EDN1: variants seen among roughly 807,000 people sequenced by gnomAD.
EDN1 encodes the protein endothelin 1, also known as endothelin-1.
In EDN1, 11 loss-of-function variants were observed where a neutral mutation model predicts 21.7. The observed-to-expected ratio is 0.51, with a 90% CI of 0.32 to 0.84. The LOEUF (loss-of-function observed/expected upper bound fraction) is 0.84, where lower values mean the gene tolerates loss of function less well. Among genes scored for constraint, EDN1 ranks in the 40% least tolerant of loss-of-function variants. EDN1 has a pLI of 0.03. For missense variants in EDN1, 244 were observed against 262.3 expected, an observed-to-expected ratio of 0.93 and a Z score of 0.48; for synonymous variants, 85 against 90.6, an observed-to-expected ratio of 0.94 and a Z score of 0.35.
At chr6:12,243,973 T>C in the EDN1 span, among the ~76,000 whole-genome samples, 1 of 152,186 alleles carries the variant, frequency 6.6e-6, no homozygotes, top group African/African-American at 2.4e-5. Flanking sequence ...TTAGAGATGT[T>C]ATCTCACTGC....
At chr6:12,256,292 A>G in the EDN1 span, among the ~76,000 whole-genome samples, 1 of 152,186 alleles carries the variant, frequency 6.6e-6, no homozygotes, top group African/African-American at 2.4e-5. Flanking sequence ...GGCCGAGGCT[A>G]CAGTGAGCTA....
the EDN1 span, among the ~76,000 whole-genome samples, chr6:12,254,829 A>T: frequency 6.6e-6 from 1 of 152,200 alleles, no homozygotes; most frequent in Non-Finnish European, 1.5e-5. Flanking sequence ...GACAACAGAT[A>T]TCAAGGATAT....
the EDN1 span, among the ~76,000 whole-genome samples, chr6:12,273,160 G>A: frequency 1.3e-5 from 2 of 152,184 alleles, no homozygotes; most frequent in Admixed American, 1.3e-4. Flanking sequence ...AGGGAAAGGG[G>A]GTCAGAGGAG....
At chr6:12,260,140 A>G in the EDN1 span, among the ~76,000 whole-genome samples, 1 of 152,142 alleles carries the variant, frequency 6.6e-6, no homozygotes, top group Non-Finnish European at 1.5e-5. Flanking sequence ...AAACTCTTAA[A>G]AAACAATAAG....
the EDN1 span, among the ~76,000 whole-genome samples, chr6:12,259,973 C>T: frequency 6.6e-6 from 1 of 151,464 alleles, no homozygotes; most frequent in Non-Finnish European, 1.5e-5. Flanking sequence ...ATAATTAACC[C>T]TATAGAAATA....
At chr6:12,287,656 C>G (rs1157688843), upstream of EDN1, among the ~76,000 whole-genome samples, 1 of 151,450 alleles carries the variant, frequency 6.6e-6, no homozygotes, top group Admixed American at 6.6e-5. Context: ...AATTCTCTCT[C>G]TCTCTTCTCT....
chr6:12,256,408 A>G, the EDN1 span, among the ~76,000 whole-genome samples: 2 of 152,134 alleles, frequency 1.3e-5, no homozygotes, highest in Non-Finnish European at 2.9e-5. Context: ...AACCCAAAAA[A>G]GACCATTAGG....
the EDN1 span, among the ~76,000 whole-genome samples, chr6:12,262,691 G>A: frequency 6.6e-6 from 1 of 152,028 alleles, no homozygotes; most frequent in Non-Finnish European, 1.5e-5. Context: ...GACCAACATA[G>A]TGAAACCCTG....
At chr6:12,273,471 G>C in the EDN1 span, among the ~76,000 whole-genome samples, 9 of 152,018 alleles carry the variant, frequency 5.9e-5, no homozygotes, top group Admixed American at 5.9e-4. Flanking sequence ...AAATCATTTG[G>C]ATGATTTACA....
At position 12,294,042 on chromosome 6, in the gene EDN1, C is replaced by A; in HGVS notation, c.335C>A (p.Ala112Asp). Residue 112 changes from alanine (A) to aspartate (D), a missense_variant, in exon 3 of 5, where the codon GCT becomes GAT. By Grantham distance (126) the Ala-to-Asp change is moderately radical (BLOSUM62 -2). Transcript: ENST00000379375. The part of the protein sequence containing the change: ...ATDRENRCQC[A>D]SQKDKKCWNF... The stretch of plus-strand genomic sequence containing the variant: ...GACCGTGAAAATAGATGCCAATGTG[C>A]TAGCCAAAAAGACAAGAAGTGCTGG... The A allele has an allele frequency of 1.2e-6, 2 of 1,614,190 alleles. No homozygotes were observed. Among genetic ancestry groups the A allele is most frequent in the Non-Finnish European group, 1.7e-6 (2 of 1,180,042 alleles).
At chr6:12,291,216 C>T (rs1303640624) in intron 1 of EDN1, among the ~76,000 whole-genome samples, 1 of 27,952 alleles carries the variant, frequency 3.6e-5, no homozygotes, top group Non-Finnish European at 7.1e-5. Flanking sequence ...TAACTACCGC[C>T]TCCCCCCCCC....
chr6:12,250,029 G>A, the EDN1 span, among the ~76,000 whole-genome samples: 5 of 151,920 alleles, frequency 3.3e-5, no homozygotes, highest in Admixed American at 1.3e-4. Flanking sequence ...ATACACACAC[G>A]CATATGTATG....
chr6:12,264,401 T>C, the EDN1 span, among the ~76,000 whole-genome samples: 1 of 152,354 alleles, frequency 6.6e-6, no homozygotes, highest in East Asian at 1.9e-4. Flanking sequence ...AAGGACAGAA[T>C]AATCATTTTT....
chr6:12,233,642 G>A, the EDN1 span, among the ~76,000 whole-genome samples: 1 of 152,156 alleles, frequency 6.6e-6, no homozygotes, highest in Non-Finnish European at 1.5e-5. Flanking sequence ...TGATGTGTGT[G>A]ATGCCAACTC....
At chr6:12,248,460 A>G in the EDN1 span, among the ~76,000 whole-genome samples, 1 of 152,284 alleles carries the variant, frequency 6.6e-6, no homozygotes, top group South Asian at 2.1e-4. Flanking sequence ...CCTGAAATTC[A>G]TGATTCTGAC....
chr6:12,262,907 G>A, the EDN1 span, among the ~76,000 whole-genome samples: 2 of 150,688 alleles, frequency 1.3e-5, no homozygotes, highest in East Asian at 2.0e-4. Context: ...TTAACCACTT[G>A]ACAGTGTTTT....
chr6:12,241,951 T>G, the EDN1 span, among the ~76,000 whole-genome samples: 14 of 152,238 alleles, frequency 9.2e-5, no homozygotes, highest in Non-Finnish European at 1.9e-4. Flanking sequence ...CCATCTTTAC[T>G]GCATTCCCAT....
At chr6:12,230,690 T>C in the EDN1 span, among the ~76,000 whole-genome samples, 8 of 152,092 alleles carry the variant, frequency 5.3e-5, no homozygotes, top group Non-Finnish European at 1.2e-4. Context: ...AACGTGTGGG[T>C]TGGTAACTCG....
the EDN1 span, among the ~76,000 whole-genome samples, chr6:12,239,778 G>A: frequency 0.24 from 36,340 of 151,930 alleles, 5,170 homozygotes; most frequent in Non-Finnish European, 0.32. Context: ...GCATGGTGGT[G>A]TGTGCCTGTG....
Sources: gnomAD v4.1 joint callset for allele counts (sites outside exome capture counted in the v4.1 genomes callset) on GRCh38, gnomAD v4.1.1 for gene constraint, MANE v1.5 for transcripts, NCBI Gene and HGNC (gene_info 2026-07-23, HGNC 2026-07-21) for gene names.